Variants in CBLN2 observed in about 807,000 individuals in gnomAD.
The protein encoded by CBLN2 is cerebellin 2 precursor.
Under a neutral mutation model 15.0 loss-of-function variants are expected in CBLN2, and 7 were observed. The observed-to-expected ratio is 0.47, with a 90% confidence interval of 0.27 to 0.88. The LOEUF is 0.88. Among genes scored for constraint, CBLN2 ranks in the 40% least tolerant of loss-of-function variants. The probability of loss-of-function intolerance (pLI) is 0.14; values close to 1 mark genes in which losing one functional copy is unlikely to be tolerated. For synonymous variants in CBLN2, 149 were observed against 135.2 expected, an observed-to-expected ratio of 1.10 and a Z score of -0.71; for missense variants, 242 against 304.5, an observed-to-expected ratio of 0.79 and a Z score of 1.53.
At chr18:72,545,423 A>G (rs1407124312), upstream of CBLN2, among the ~76,000 whole-genome samples, 1 of 152,254 alleles carries the variant, frequency 6.6e-6, no homozygotes, top group Non-Finnish European at 1.5e-5. Flanking sequence ...CTCCTAAGCT[A>G]TACTCACTGT....
intron 1 of CBLN2, among the ~76,000 whole-genome samples, chr18:72,584,596 C>A (rs1000208186): frequency 1.3e-5 from 2 of 152,098 alleles, no homozygotes; most frequent in Non-Finnish European, 2.9e-5. Flanking sequence ...GCCACCATGC[C>A]CAGCCTACAA....
At chr18:72,618,170 A>G (rs2069675460) in intron 1 of CBLN2, 2 of 173,470 alleles carry the variant, frequency 1.2e-5, no homozygotes, top group Non-Finnish European at 2.5e-5. Context: ...AGGCTATAAA[A>G]GTTTCCTTTC....
At chr18:72,600,810 A>T (rs1046796991) in intron 1 of CBLN2, among the ~76,000 whole-genome samples, 2 of 152,144 alleles carry the variant, frequency 1.3e-5, no homozygotes, top group Non-Finnish European at 2.9e-5. Context: ...AGAACTGGGA[A>T]CATTGATTGG....
At chr18:72,562,754 T>C (rs1393518334) in intron 1 of CBLN2, among the ~76,000 whole-genome samples, 4 of 152,216 alleles carry the variant, frequency 2.6e-5, no homozygotes, top group East Asian at 3.8e-4. Flanking sequence ...CCAAGTATAA[T>C]TTAGGTTTGA....
chr18:72,577,942 ATATGT>A (rs2069378742), intron 1 of CBLN2, among the ~76,000 whole-genome samples: 1 of 152,184 alleles, frequency 6.6e-6, no homozygotes, highest in African/African-American at 2.4e-5. Flanking sequence ...ATGAATAATG[ATATGT>A]TATGCTTCAA....
chr18:72,573,049 T>G (rs1396511338), intron 1 of CBLN2, among the ~76,000 whole-genome samples: 1 of 152,148 alleles, frequency 6.6e-6, no homozygotes, highest in Admixed American at 6.5e-5. Flanking sequence ...CTTTGTGATT[T>G]TCTATAAAGC....
intron 1 of CBLN2, among the ~76,000 whole-genome samples, chr18:72,632,972 T>C (rs563207773): frequency 2.0e-5 from 3 of 152,322 alleles, no homozygotes; most frequent in South Asian, 2.1e-4. Flanking sequence ...AACAAACGAA[T>C]GCAATGTGAT....
At position 72,543,738 on chromosome 18, in the gene CBLN2, G is replaced by A. The variant is rs1352116609; in HGVS notation, c.-211-208C>T. 6.6e-6 allele frequency among the ~76,000 whole-genome samples: 1 copy of A among 151,762 alleles called. No homozygotes were observed. The highest frequency in any genetic ancestry group is 1.5e-5 in the Non-Finnish European group (1 of 67,932). Reference sequence around the variant, plus strand: ...AACCCCGCGTCTCGCCCGGCTCAGCGCCCCGCGCTGTGCGCCCAGGTGCCT... The same window carrying A: ...AACCCCGCGTCTCGCCCGGCTCAGCACCCCGCGCTGTGCGCCCAGGTGCCT... On this transcript the variant is annotated intron_variant, in intron 1 of 4. Transcript: ENST00000269503. This position sits in a 1 kb window ranked among gnomAD's most constrained non-coding sequence, Gnocchi z 6.8.
In CBLN2 at chr18:72,599,631, C is replaced by G. The variant is rs1160071253; in HGVS notation, c.15+38694G>C. On this transcript the variant is annotated intron_variant, in intron 1 of 2. Coordinates refer to the CBLN2 transcript ENST00000581073. ...TGTGGTTAACATGGGACATTCATAC[C>G]AGAGCCCATTTTTATAAAGCTGTGA... Among the ~76,000 whole-genome samples, 3 of 152,000 alleles carry G rather than the reference C, an allele frequency of 2.0e-5. No individual in the cohort carries two copies. In the South Asian group the frequency reaches 6.2e-4, roughly 32 times the overall value.
Position 72,544,154 on chromosome 18 carries a change from TA to T in CBLN2, c.-390del, listed in dbSNP as rs34326318. 0.07 allele frequency: 9,119 copies of T among 130,552 alleles called. 862 individuals carry two copies. The highest frequency in any genetic ancestry group is 0.51 in the East Asian group (2,431 of 4,808). 8.1% of individuals were successfully genotyped at this position (130,552 alleles called of 1,614,324 possible). ...GACAGGAGCGAAAAAAACAATAAGT[TA>T]AAAAAAAAAAAAAGAAGAAGAAGAC... On this transcript the variant is annotated 5_prime_UTR_variant, in exon 1 of 5. Transcript: ENST00000269503.
At chr18:72,556,222 G>T (rs1023687062) in intron 1 of CBLN2, among the ~76,000 whole-genome samples, 4 of 152,150 alleles carry the variant, frequency 2.6e-5, no homozygotes, top group Non-Finnish European at 4.4e-5. Context: ...GCGAATAAAT[G>T]TGGAATTCTT....
intron 1 of CBLN2, among the ~76,000 whole-genome samples, chr18:72,614,508 G>A (rs1194334425): frequency 6.6e-6 from 1 of 152,092 alleles, no homozygotes; most frequent in African/African-American, 2.4e-5. Context: ...AACAAATTAT[G>A]TGGAAAGATT....
At chr18:72,623,068 T>G (rs1221634225) in intron 1 of CBLN2, among the ~76,000 whole-genome samples, 1 of 152,080 alleles carries the variant, frequency 6.6e-6, no homozygotes, top group Admixed American at 6.6e-5. Context: ...GAGGCACATC[T>G]TACATGACAG....
At chr18:72,633,394 C>T (rs1048613662) in intron 1 of CBLN2, among the ~76,000 whole-genome samples, 3 of 152,166 alleles carry the variant, frequency 2.0e-5, no homozygotes, top group Non-Finnish European at 2.9e-5. Context: ...TCCCAAGACA[C>T]GGCTACATTT....
intron 1 of CBLN2, among the ~76,000 whole-genome samples, chr18:72,627,865 G>A (rs2069750733): frequency 6.6e-6 from 1 of 152,234 alleles, no homozygotes. Flanking sequence ...TTCAGACATT[G>A]TTCTATTTTA....
Position 72,614,802 on chromosome 18 carries a change from A to T in CBLN2, c.15+23523T>A, listed in dbSNP as rs2069645802. On this transcript the variant is annotated intron_variant, in intron 1 of 2. Coordinates refer to the CBLN2 transcript ENST00000581073. ...TTGGGTAATTTGTTTTTGATAAGTA[A>T]AATATACACTCACCAAGCTAATGAA... Among the ~76,000 whole-genome samples the T allele has an allele frequency of 3.9e-5, 6 of 152,018 alleles. No individual in the cohort carries two copies. The South Asian group carries it at 1.2e-3, about 32-fold the overall frequency.
chr18:72,623,942 A>G (rs1056174599), intron 1 of CBLN2, among the ~76,000 whole-genome samples: 2 of 152,170 alleles, frequency 1.3e-5, no homozygotes, highest in African/African-American at 4.8e-5. Context: ...CTTTATGTAA[A>G]TAACTTGCTC....
intron 1 of CBLN2, among the ~76,000 whole-genome samples, chr18:72,570,306 C>T (rs146733708): frequency 2.0e-4 from 29 of 141,878 alleles, no homozygotes; most frequent in African/African-American, 6.3e-4. Context: ...TTTTTTCCCG[C>T]GGCTTACTGC....
At chr18:72,599,307 A>T (rs2069532736) in intron 1 of CBLN2, among the ~76,000 whole-genome samples, 1 of 152,220 alleles carries the variant, frequency 6.6e-6, no homozygotes, top group Non-Finnish European at 1.5e-5. Context: ...TTTAAAAGAC[A>T]GTATTAGATA....
Sources: allele counts gnomAD v4.1 joint callset (sites outside exome capture counted in the v4.1 genomes callset), GRCh38; gene constraint gnomAD v4.1.1; non-coding constraint Gnocchi (gnomAD v3.1); transcripts MANE v1.5; gene names NCBI Gene and HGNC (gene_info 2026-07-23, HGNC 2026-07-21).